The following SH2D4B variants were observed in gnomAD, a reference collection of about 807,000 sequenced individuals.
The protein encoded by SH2D4B is SH2 domain-containing protein 4B.
Under a neutral mutation model 61.5 loss-of-function variants are expected in SH2D4B, and 45 were observed. The ratio of observed to expected loss-of-function variants is 0.73; its 90% CI spans 0.58 to 0.94. The LOEUF (loss-of-function observed/expected upper bound fraction) is 0.94. SH2D4B is among the 40% of genes least tolerant of loss of function. The pLI is 0.00. For missense variants in SH2D4B, 572 were observed against 574.2 expected (o/e 1.00, Z 0.04); for synonymous variants, 224 against 220.4 (o/e 1.02, Z -0.14).
intron 1 of SH2D4B, among the ~76,000 whole-genome samples, chr10:80,555,581 A>G (rs576234374): frequency 6.6e-5 from 10 of 152,126 alleles, no homozygotes; most frequent in Non-Finnish European, 1.5e-4. Context: ...TCTGGTGCAT[A>G]CCTGTGAGTA....
chr10:80,629,299 AACTC>A (rs1842804119), intron 6 of SH2D4B, among the ~76,000 whole-genome samples: 1 of 152,146 alleles, frequency 6.6e-6, no homozygotes, highest in South Asian at 2.1e-4. Context: ...ATCTCACAAG[AACTC>A]ACTCACTATC....
rs199547837 is a variant in SH2D4B, at chr10:80,603,633, G to A, written c.698G>A (p.Arg233Gln). Residue 233 changes from arginine to glutamine, a missense_variant, in exon 5 of 8, where the codon CGG (arginine) becomes CAG (glutamine). By Grantham distance (43) the Arg-to-Gln change is conservative (BLOSUM62 1). Transcript: ENST00000646907. Reference sequence around the variant, plus strand: ...AGGAGCCGCCGAGCCCAGCGCGCCCGGGACGAGTACCGACACCACTCGCTC... The same window carrying A: ...AGGAGCCGCCGAGCCCAGCGCGCCCAGGACGAGTACCGACACCACTCGCTC... ...EERSRRAQRA[R>Q]DEYRHHSLRA... 640 of 1,596,252 alleles carry A rather than the reference G, an allele frequency of 4.0e-4. 4 individuals are homozygous for A. The highest frequency in any genetic ancestry group is 9.3e-5 in the Non-Finnish European group (109 of 1,172,170).
intron 1 of SH2D4B, among the ~76,000 whole-genome samples, chr10:80,543,289 G>A (rs941171127): frequency 2.0e-5 from 3 of 152,124 alleles, no homozygotes; most frequent in Admixed American, 6.5e-5. Context: ...AGCGGGAACC[G>A]GGGCCAGCGC....
chr10:80,609,381 C>T (rs535343287), intron 5 of SH2D4B, 43 bp from the exon 6 acceptor site: 1 of 1,503,146 alleles, frequency 6.7e-7, no homozygotes, highest in East Asian at 2.6e-5. Flanking sequence ...CGCTCTTTCT[C>T]CCTCCCTGAC....
intron 3 of SH2D4B, among the ~76,000 whole-genome samples, chr10:80,578,308 C>T (rs1241220893): frequency 2.0e-5 from 3 of 152,112 alleles, no homozygotes; most frequent in Admixed American, 6.5e-5. Flanking sequence ...AATGTACCAA[C>T]AACCTTCATT....
intron 7 of SH2D4B, among the ~76,000 whole-genome samples, chr10:80,637,841 A>T (rs1187173395): frequency 6.6e-6 from 1 of 152,192 alleles, no homozygotes; most frequent in Non-Finnish European, 1.5e-5. Flanking sequence ...TAGTGGTGAG[A>T]GAGGGCATCC....
chr10:80,638,926 G>A (rs1840239345), intron 7 of SH2D4B, among the ~76,000 whole-genome samples: 1 of 152,196 alleles, frequency 6.6e-6, no homozygotes, highest in African/African-American at 2.4e-5. Context: ...GGCATTTAGT[G>A]CTATAAATTT....
intron 7 of SH2D4B, among the ~76,000 whole-genome samples, chr10:80,640,207 C>T (rs570181530): frequency 4.0e-4 from 61 of 152,188 alleles, no homozygotes; most frequent in African/African-American, 7.9e-4. Flanking sequence ...CTTTCTCTCC[C>T]GCTGCCCTTA....
intron 6 of SH2D4B, among the ~76,000 whole-genome samples, chr10:80,619,328 G>T (rs1171277488): frequency 6.6e-6 from 1 of 152,188 alleles, no homozygotes; most frequent in African/African-American, 2.4e-5. Flanking sequence ...ACTGCAGCCT[G>T]TAACCATGGG....
intron 3 of SH2D4B, among the ~76,000 whole-genome samples, chr10:80,574,979 G>A (rs1193111446): frequency 6.6e-6 from 1 of 152,114 alleles, no homozygotes; most frequent in Non-Finnish European, 1.5e-5. Flanking sequence ...GGGATTACAG[G>A]CATGAGCCAC....
intron 1 of SH2D4B, among the ~76,000 whole-genome samples, chr10:80,566,866 C>G (rs1183613272): frequency 3.9e-5 from 6 of 152,170 alleles, no homozygotes; most frequent in Non-Finnish European, 7.3e-5. Flanking sequence ...GTGGTTGCCT[C>G]TCTGTTTCTA....
chr10:80,570,035 T>G, intron 1 of SH2D4B, 119 bp from the exon 2 acceptor site: 3 of 1,265,050 alleles, frequency 2.4e-6, no homozygotes, highest in Admixed American at 2.0e-5. Flanking sequence ...CTGGCATTCT[T>G]TTTGTGGATG....
intron 6 of SH2D4B, among the ~76,000 whole-genome samples, chr10:80,621,292 G>A (rs1842715897): frequency 1.3e-5 from 2 of 152,248 alleles, no homozygotes; most frequent in East Asian, 1.9e-4. Context: ...CAGGCAAAAT[G>A]TCAGCAGTGT....
At chr10:80,622,766 GT>G (rs1419759158) in intron 6 of SH2D4B, among the ~76,000 whole-genome samples, 2 of 152,108 alleles carry the variant, frequency 1.3e-5, no homozygotes, top group African/African-American at 2.4e-5. Flanking sequence ...AGCCACCCTT[GT>G]TGTTTATTTC....
chr10:80,551,016 GAAAAGA>G (rs1376662131), intron 1 of SH2D4B, among the ~76,000 whole-genome samples: 1 of 152,008 alleles, frequency 6.6e-6, no homozygotes, highest in Non-Finnish European at 1.5e-5. Flanking sequence ...GCACAACAAG[GAAAAGA>G]AAAAGAAAAA....
intron 1 of SH2D4B, among the ~76,000 whole-genome samples, chr10:80,550,091 G>A (rs750917232): frequency 1.3e-4 from 20 of 152,092 alleles, no homozygotes; most frequent in Non-Finnish European, 2.4e-4. Flanking sequence ...GTGGGGGAAA[G>A]GGGTCCCTGG....
intron 4 of SH2D4B, among the ~76,000 whole-genome samples, chr10:80,594,656 CT>C (rs1419981306): frequency 6.6e-6 from 1 of 152,186 alleles, no homozygotes; most frequent in Non-Finnish European, 1.5e-5. Flanking sequence ...AATTTAGTCT[CT>C]TCACTTGTTA....
Position 80,571,380 on chromosome 10 carries a change from T to C in SH2D4B, c.348-51T>C, listed in dbSNP as rs79911625. On this transcript the variant is annotated intron_variant, in intron 2 of 7. Transcript: ENST00000646907. ...TTTTATTTCAAGTTCTATTGTTAGG[T>C]GGTCCTTCAGTTTTTCACACAAGCT... 2.8e-3 allele frequency: 4,471 copies of C among 1,568,946 alleles called. 111 individuals carry two copies. In the African/African-American group the frequency reaches 0.053, roughly 19 times the overall value.
In SH2D4B at chr10:80,620,225, G is replaced by A. The variant is rs1034518819; in HGVS notation, c.988+10674G>A. On this transcript the variant is annotated intron_variant, in intron 6 of 7. Coordinates refer to ENST00000646907, the MANE Select transcript of SH2D4B (RefSeq NM_001388272.1). ...GGAAGGTGATTGGATCATGGGGGGC[G>A]GTTCCCCCCCTTGCTGTTCTCATGG... is the stretch of plus-strand genomic sequence containing the variant. Among the ~76,000 whole-genome samples, 29 of 152,106 alleles carry A rather than the reference G, an allele frequency of 1.9e-4. 1 individual carries two copies. Among genetic ancestry groups the A allele is most frequent in the Admixed American group, 1.8e-3 (28 of 15,264 alleles).
Sources: gnomAD v4.1 joint callset for allele counts (sites outside exome capture counted in the v4.1 genomes callset) on GRCh38, gnomAD v4.1.1 for gene constraint, MANE v1.5 for transcripts, NCBI Gene and HGNC (gene_info 2026-07-23, HGNC 2026-07-21) for gene names.